The following GALNT17 variants were observed in gnomAD, a reference collection of about 807,000 sequenced individuals.
GALNT17 encodes UDP-GalNAc:polypeptide N-acetylgalactosaminyltransferase-like 3.
A neutral mutation model predicts 63.7 loss-of-function variants in GALNT17; 29 were observed. The observed-to-expected ratio is 0.46, with a 90% CI of 0.34 to 0.62. GALNT17 has a LOEUF of 0.62. Among genes scored for constraint, GALNT17 ranks in the 20% least tolerant of loss-of-function variants. The pLI, the probability that GALNT17 is intolerant of heterozygous loss-of-function variation, is 0.01. For missense variants in GALNT17, 603 were observed against 799.6 expected (o/e 0.75, Z 2.97); for synonymous variants, 305 against 318.3 (o/e 0.96, Z 0.45).
chr7:71,251,187 T>C (rs1368020822), intron 1 of GALNT17, among the ~76,000 whole-genome samples: 1 of 141,540 alleles, frequency 7.1e-6, no homozygotes, highest in Non-Finnish European at 1.5e-5. Context: ...TGCTATTGGG[T>C]GGAGAACTCT....
In GALNT17 at chr7:71,541,647, C is replaced by T. The variant is rs567806932; in HGVS notation, c.963-29638C>T. ...AATTCCTCTGCCCCCGGCTTCACCT[C>T]ATTTCCTTTCAGAGACCCCCTTCCA... On this transcript the variant is annotated intron_variant, in intron 5 of 10. Transcript: ENST00000333538. 9.2e-5 allele frequency among the ~76,000 whole-genome samples: 14 copies of T among 152,296 alleles called. No homozygotes were observed. In the East Asian group the frequency reaches 1.7e-3, roughly 19 times the overall value.
At chr7:71,566,108 C>A (rs1032534171) in intron 5 of GALNT17, among the ~76,000 whole-genome samples, 1 of 152,012 alleles carries the variant, frequency 6.6e-6, no homozygotes, top group Admixed American at 6.6e-5. Flanking sequence ...CTCCTGACCT[C>A]AAGTGATCTG....
At chr7:71,433,713 A>G (rs1422171015) in intron 5 of GALNT17, among the ~76,000 whole-genome samples, 1 of 152,190 alleles carries the variant, frequency 6.6e-6, no homozygotes, top group East Asian at 1.9e-4. Context: ...CAAATTTTAA[A>G]CCAGCAGAAC....
intron 6 of GALNT17, among the ~76,000 whole-genome samples, chr7:71,588,050 G>T (rs957169667): frequency 6.6e-6 from 1 of 152,202 alleles, no homozygotes. Flanking sequence ...ATGGTATTTA[G>T]AGACCGAAGT....
chr7:71,477,430 G>A (rs4236252), intron 5 of GALNT17, among the ~76,000 whole-genome samples: 119,386 of 152,128 alleles, frequency 0.78, 47,671 homozygotes, highest in Non-Finnish European at 0.87. Context: ...TGATCGTTTC[G>A]AGGTTACCCT....
At chr7:71,698,016 A>C (rs754577891) in intron 9 of GALNT17, among the ~76,000 whole-genome samples, 8 of 151,192 alleles carry the variant, frequency 5.3e-5, no homozygotes, top group Admixed American at 2.6e-4. Flanking sequence ...CCAGCTACTC[A>C]GGAGGCTGAG....
At chr7:71,583,268 G>A (rs1484270858) in intron 6 of GALNT17, among the ~76,000 whole-genome samples, 8 of 152,100 alleles carry the variant, frequency 5.3e-5, no homozygotes, top group African/African-American at 1.9e-4. Context: ...CTAATTTTTT[G>A]TATTTTTAGT....
chr7:71,211,269 A>G (rs1198432757), intron 1 of GALNT17, among the ~76,000 whole-genome samples: 1 of 152,162 alleles, frequency 6.6e-6, no homozygotes, highest in Admixed American at 6.5e-5. Context: ...ATGATAGTGA[A>G]TAAGTCTCAC....
chr7:71,435,755 C>G (rs1381355260), intron 5 of GALNT17, among the ~76,000 whole-genome samples: 1 of 152,190 alleles, frequency 6.6e-6, no homozygotes, highest in Non-Finnish European at 1.5e-5. Context: ...CGCAATGGCT[C>G]ACGCCTGTAA....
At chr7:71,378,977 G>A (rs1169375896) in intron 2 of GALNT17, among the ~76,000 whole-genome samples, 1 of 152,154 alleles carries the variant, frequency 6.6e-6, no homozygotes, top group African/African-American at 2.4e-5. Flanking sequence ...ACTCCAGCCT[G>A]GGCGACAGAG....
chr7:71,346,156 C>G (rs1792092259), intron 2 of GALNT17, among the ~76,000 whole-genome samples: 1 of 151,856 alleles, frequency 6.6e-6, no homozygotes, highest in African/African-American at 2.4e-5. Flanking sequence ...CGTGCCACTG[C>G]ACCCCATCTT....
chr7:71,335,438 T>A (rs1791881458), intron 1 of GALNT17, 112 bp from the exon 2 acceptor site: 1 of 1,132,734 alleles, frequency 8.8e-7, no homozygotes, highest in Non-Finnish European at 1.2e-6. Flanking sequence ...AGGACATCAT[T>A]TTTTCTGTGA....
At chr7:71,473,089 G>A (rs770044672) in intron 5 of GALNT17, among the ~76,000 whole-genome samples, 1 of 152,194 alleles carries the variant, frequency 6.6e-6, no homozygotes, top group African/African-American at 2.4e-5. Context: ...GGGAGTTGGG[G>A]CTGGTATGAG....
intron 1 of GALNT17, among the ~76,000 whole-genome samples, chr7:71,134,835 G>GTTTTTTTTTTTTTTTTT (rs561383417): frequency 1.7e-5 from 1 of 57,888 alleles, no homozygotes; most frequent in Non-Finnish European, 2.9e-5. Context: ...TTGTTTTATG[G>GTTTTTTTTTTTTTTTTT]TTTTTTTTTT....
At chr7:71,251,212 A>G (rs766206104) in intron 1 of GALNT17, among the ~76,000 whole-genome samples, 13 of 150,054 alleles carry the variant, frequency 8.7e-5, no homozygotes, top group Admixed American at 1.3e-4. Flanking sequence ...GAGAATCACA[A>G]TGCTTATTGT....
At chr7:71,179,297 G>C (rs1284110195) in intron 1 of GALNT17, among the ~76,000 whole-genome samples, 1 of 152,142 alleles carries the variant, frequency 6.6e-6, no homozygotes, top group African/African-American at 2.4e-5. Context: ...CCTCCTCCAT[G>C]CTTTGAGTTG....
intron 2 of GALNT17, among the ~76,000 whole-genome samples, chr7:71,369,151 A>C (rs763812707): frequency 6.6e-6 from 1 of 152,232 alleles, no homozygotes; most frequent in African/African-American, 2.4e-5. Flanking sequence ...ACCTACTCTT[A>C]GTACACATGA....
chr7:71,449,286 A>T (rs937694022), intron 5 of GALNT17, among the ~76,000 whole-genome samples: 3 of 150,884 alleles, frequency 2.0e-5, no homozygotes, highest in African/African-American at 7.3e-5. Context: ...TAATTTTTGT[A>T]CTTTTAGTAG....
At chr7:71,150,833 G>A (rs922909828) in intron 1 of GALNT17, among the ~76,000 whole-genome samples, 4 of 151,952 alleles carry the variant, frequency 2.6e-5, no homozygotes, top group African/African-American at 9.6e-5. Flanking sequence ...TTCACCTCTT[G>A]GTGGCATATA....
Sources: gnomAD v4.1 joint callset for allele counts (sites outside exome capture counted in the v4.1 genomes callset) on GRCh38, gnomAD v4.1.1 for gene constraint, MANE v1.5 for transcripts, NCBI Gene and HGNC (gene_info 2026-07-23, HGNC 2026-07-21) for gene names.